CDH20: variants seen among roughly 807,000 people sequenced by gnomAD.
CDH20 encodes the protein cadherin-20.
A neutral mutation model predicts 74.2 loss-of-function variants in CDH20; 29 were observed. The observed-to-expected ratio is 0.39, with a 90% confidence interval of 0.29 to 0.53. The LOEUF (loss-of-function observed/expected upper bound fraction) is 0.53. Ranked by LOEUF, CDH20 falls within the 20% of genes least tolerant of loss-of-function variation. CDH20 has a pLI of 0.69. For missense variants in CDH20, 988 were observed against 1,048.3 expected (o/e 0.94, Z 0.79); for synonymous variants, 469 against 405.4 (o/e 1.16, Z -1.88).
intron 9 of CDH20, among the ~76,000 whole-genome samples, chr18:61,542,150 T>G (rs1913064355): frequency 6.6e-6 from 1 of 152,216 alleles, no homozygotes; most frequent in Admixed American, 6.5e-5. Context: ...AAGAAATATG[T>G]TACCTCTCTA....
intron 1 of CDH20, among the ~76,000 whole-genome samples, chr18:61,472,103 A>G (rs1027530526): frequency 1.3e-5 from 2 of 152,030 alleles, no homozygotes; most frequent in Non-Finnish European, 2.9e-5. Flanking sequence ...CAGGGCCAGC[A>G]TTCTTTGTCC....
At chr18:61,418,869 C>T (rs1035198455) in intron 1 of CDH20, among the ~76,000 whole-genome samples, 1 of 152,146 alleles carries the variant, frequency 6.6e-6, no homozygotes, top group Non-Finnish European at 1.5e-5. Flanking sequence ...TCTCTTTATG[C>T]ACATAGGGAA....
chr18:61,483,207 G>C (rs1910648309), intron 1 of CDH20, among the ~76,000 whole-genome samples: 1 of 152,136 alleles, frequency 6.6e-6, no homozygotes, highest in African/African-American at 2.4e-5. Context: ...TCAGTCACGT[G>C]CTAAGCACCT....
At chr18:61,412,031 G>A (rs1912529519) in intron 1 of CDH20, among the ~76,000 whole-genome samples, 9 of 151,584 alleles carry the variant, frequency 5.9e-5, no homozygotes, top group Admixed American at 4.6e-4. Context: ...ATTTTAAAAA[G>A]TGAAAAAATG....
chr18:61,541,709 G>A (rs1481658116), intron 9 of CDH20, among the ~76,000 whole-genome samples: 3 of 152,164 alleles, frequency 2.0e-5, no homozygotes, highest in African/African-American at 7.2e-5. Context: ...GGTTTATAAA[G>A]TATCGGGCCT....
chr18:61,545,003 C>T lies in CDH20; in HGVS notation c.1531-24C>T, dbSNP rs1460822650. 7.2e-6 allele frequency: 11 copies of T among 1,525,364 alleles called. No individual in the cohort carries two copies. The African/African-American group carries it at 1.2e-4, about 17-fold the overall frequency. 94.5% of individuals were successfully genotyped at this position (1,525,364 alleles called of 1,614,324 possible). A position where few individuals can be genotyped will look rare whatever the true frequency, so the allele number is the denominator to read the frequency against. On this transcript the variant is annotated intron_variant, in intron 9 of 11. Coordinates refer to ENST00000262717, the MANE Select transcript of CDH20 (RefSeq NM_031891.4). ...TGCTTTTTCCTTTGGCTCCAACTCA[C>T]CTGATTTCATGTCCCTCCCTCAGCT...
intron 1 of CDH20, among the ~76,000 whole-genome samples, chr18:61,468,625 G>A (rs577696936): frequency 1.3e-5 from 2 of 152,202 alleles, no homozygotes; most frequent in South Asian, 4.2e-4. Flanking sequence ...TCACTACAGT[G>A]CAACTGGCTT....
At chr18:61,419,671 T>A (rs2144270101) in intron 1 of CDH20, among the ~76,000 whole-genome samples, 1 of 152,256 alleles carries the variant, frequency 6.6e-6, no homozygotes, top group African/African-American at 2.4e-5. Context: ...TTTTCAATAC[T>A]CTCTGGTTCT....
intron 1 of CDH20, among the ~76,000 whole-genome samples, chr18:61,346,983 C>T (rs1406473940): frequency 6.6e-6 from 1 of 151,994 alleles, no homozygotes; most frequent in Non-Finnish European, 1.5e-5. Flanking sequence ...TTATCTTCTG[C>T]TGGGTGTACC....
chr18:61,546,068 A>G (rs987576925), intron 10 of CDH20, among the ~76,000 whole-genome samples: 3 of 152,186 alleles, frequency 2.0e-5, no homozygotes, highest in African/African-American at 7.2e-5. Context: ...TAAACTGTCA[A>G]ATGAACCTCA....
At chr18:61,554,031 A>C (rs1446679319) in intron 11 of CDH20, among the ~76,000 whole-genome samples, 159 bp from the exon 12 acceptor site, 1 of 152,182 alleles carries the variant, frequency 6.6e-6, no homozygotes, top group Non-Finnish European at 1.5e-5. Flanking sequence ...AAGTGGACTT[A>C]AATTAGAACT....
At chr18:61,425,508 C>T (rs1192640866) in intron 1 of CDH20, among the ~76,000 whole-genome samples, 2 of 152,154 alleles carry the variant, frequency 1.3e-5, no homozygotes, top group South Asian at 2.1e-4. Context: ...GCCCAGAGCA[C>T]GTTTGTCCCA....
intron 1 of CDH20, among the ~76,000 whole-genome samples, chr18:61,405,415 C>A (rs979435888): frequency 2.0e-5 from 3 of 151,998 alleles, no homozygotes; most frequent in African/African-American, 7.2e-5. Flanking sequence ...CCAAGACCCC[C>A]ATCTTTAAAA....
chr18:61,547,715 C>CA (rs1239356402), intron 10 of CDH20, among the ~76,000 whole-genome samples: 2 of 151,084 alleles, frequency 1.3e-5, no homozygotes, highest in African/African-American at 2.4e-5. Context: ...CATGCCCCCC[C>CA]ACTACACCCC....
intron 11 of CDH20, among the ~76,000 whole-genome samples, chr18:61,553,801 A>G (rs1913520337): frequency 6.7e-6 from 1 of 149,702 alleles, no homozygotes; most frequent in South Asian, 2.1e-4. Context: ...TATATTTTTC[A>G]TCATATAAAC....
chr18:61,456,600 A>G (rs1324248918), intron 1 of CDH20, among the ~76,000 whole-genome samples: 1 of 152,182 alleles, frequency 6.6e-6, no homozygotes, highest in Admixed American at 6.5e-5. Context: ...TTTTAGCCAC[A>G]AAAACCTAGT....
At chr18:61,389,977 A>G (rs1305326470) in intron 1 of CDH20, among the ~76,000 whole-genome samples, 1 of 152,206 alleles carries the variant, frequency 6.6e-6, no homozygotes, top group Non-Finnish European at 1.5e-5. Flanking sequence ...AAAATAAAAC[A>G]AAAACCTTCC....
chr18:61,401,941 T>C lies in CDH20; in HGVS notation c.-153+68114T>C, dbSNP rs568395534. Among the ~76,000 whole-genome samples the C allele has an allele frequency of 4.6e-5, 7 of 152,316 alleles. 1 individual carries two copies. The South Asian group carries it at 1.2e-3, about 27-fold the overall frequency. On this transcript the variant is annotated intron_variant, in intron 1 of 11. Coordinates refer to ENST00000262717, the MANE Select transcript of CDH20 (RefSeq NM_031891.4). ...AATCCTTGGCAAAAATTCACATGAATACTTCCTGCCAACATTTTAATTAAG... is the reference window on the plus strand; with the variant it reads ...AATCCTTGGCAAAAATTCACATGAACACTTCCTGCCAACATTTTAATTAAG...
At chr18:61,417,736 G>A (rs1912738014) in intron 1 of CDH20, among the ~76,000 whole-genome samples, 2 of 152,060 alleles carry the variant, frequency 1.3e-5, no homozygotes, top group Non-Finnish European at 2.9e-5. Context: ...AAGATCTACT[G>A]TTTGGTAGCA....
Sources: allele counts gnomAD v4.1 joint callset (sites outside exome capture counted in the v4.1 genomes callset), GRCh38; gene constraint gnomAD v4.1.1; transcripts MANE v1.5; gene names NCBI Gene and HGNC (gene_info 2026-07-23, HGNC 2026-07-21).